The following HEPH variants were observed in gnomAD, a reference collection of about 807,000 sequenced individuals.
HEPH encodes the protein hephaestin.
A neutral mutation model predicts 80.8 loss-of-function variants in HEPH; 69 were observed. That is an observed-to-expected ratio of 0.85 (90% CI 0.70 to 1.04). The LOEUF is 1.04. Ranked by LOEUF, HEPH falls within the 50% of genes least tolerant of loss-of-function variation. The probability of loss-of-function intolerance (pLI) is 0.00; values close to 1 mark genes in which losing one functional copy is unlikely to be tolerated. For synonymous variants in HEPH, 431 were observed against 322.8 expected (o/e 1.34, Z -3.60); for missense variants, 1,115 against 891.3 (o/e 1.25, Z -3.20).
At chrX:66,250,817 G>T (rs1276308865) in intron 15 of HEPH, among the ~76,000 whole-genome samples, 1 of 111,573 alleles carries the variant, frequency 9.0e-6, no homozygotes, top group Non-Finnish European at 1.9e-5. Context: ...ACTTTTCACT[G>T]TTAAAGGGAA....
rs2091556658 is a variant in HEPH at position 66,266,876 on chromosome X, A to G, written c.*204A>G. On this transcript the variant is annotated 3_prime_UTR_variant, in exon 21 of 21. Transcript: ENST00000343002. ...ACTTTTTCTTTAGTTTCTTTGCTCTACGTGGGCACCTGGCACTAAGGGAGT... is the reference window on the plus strand; with the variant it reads ...ACTTTTTCTTTAGTTTCTTTGCTCTGCGTGGGCACCTGGCACTAAGGGAGT... 1 of 406,406 alleles carries G rather than the reference A, an allele frequency of 2.5e-6. No homozygotes were observed. The highest frequency in any genetic ancestry group is 4.2e-6 in the Non-Finnish European group (1 of 235,920). 33.5% of individuals were successfully genotyped at this position (406,406 alleles called of 1,213,427 possible). A position where few individuals can be genotyped will look rare whatever the true frequency, so the allele number is the denominator to read the frequency against.
chrX:66,254,391 G>A (rs2091104007), intron 15 of HEPH, among the ~76,000 whole-genome samples: 1 of 111,615 alleles, frequency 9.0e-6, no homozygotes, highest in Non-Finnish European at 1.9e-5. Flanking sequence ...GAGTGATAAT[G>A]TTATTTCTAG....
At chrX:66,208,290 G>T (rs780857911) in intron 15 of HEPH, 44 bp downstream of exon 15, 2 of 1,150,772 alleles carry the variant, frequency 1.7e-6, no homozygotes, top group Non-Finnish European at 1.2e-6. Context: ...CATGCATCAC[G>T]TCTGCTTCAG....
At chrX:66,177,672 CT>C (rs769962916) in intron 4 of HEPH, among the ~76,000 whole-genome samples, 5 of 111,416 alleles carry the variant, frequency 4.5e-5, no homozygotes, top group African/African-American at 1.6e-4. Context: ...AAAGAACCAG[CT>C]TTTTGTTTCA....
At chrX:66,224,250 G>A (rs1383025439) in intron 15 of HEPH, among the ~76,000 whole-genome samples, 1 of 110,682 alleles carries the variant, frequency 9.0e-6, no homozygotes, top group African/African-American at 3.3e-5. Flanking sequence ...TGTAAGTTTG[G>A]GATTTTAATT....
intron 15 of HEPH, among the ~76,000 whole-genome samples, chrX:66,252,820 T>C (rs1461589927): frequency 9.0e-6 from 1 of 111,683 alleles, no homozygotes; most frequent in Non-Finnish European, 1.9e-5. Flanking sequence ...GGTCAATTGA[T>C]TTTCAACAAA....
chrX:66,202,146 A>G (rs1409918440), intron 12 of HEPH, among the ~76,000 whole-genome samples: 1 of 111,841 alleles, frequency 8.9e-6, no homozygotes, highest in East Asian at 2.8e-4. Context: ...GTCTTGGATA[A>G]TGAGTGGACT....
chrX:66,236,037 A>T (rs1245983810), intron 15 of HEPH, among the ~76,000 whole-genome samples: 1 of 111,821 alleles, frequency 8.9e-6, no homozygotes, highest in African/African-American at 3.3e-5. Context: ...TAGATATAGG[A>T]TCATGTTGCC....
chrX:66,250,499 C>T (rs191832273), intron 15 of HEPH, among the ~76,000 whole-genome samples: 2 of 111,535 alleles, frequency 1.8e-5, no homozygotes, highest in Admixed American at 1.9e-4. Flanking sequence ...AGAGCAGTTA[C>T]TTTCTTGCTA....
At chrX:66,250,289 C>G (rs1431331726) in intron 15 of HEPH, among the ~76,000 whole-genome samples, 1 of 111,786 alleles carries the variant, frequency 8.9e-6, no homozygotes, top group African/African-American at 3.2e-5. Flanking sequence ...GCTTTCACCT[C>G]TGACTCTTCT....
chrX:66,200,227 G>T (rs2088352673), intron 11 of HEPH, among the ~76,000 whole-genome samples: 1 of 96,532 alleles, frequency 1.0e-5, no homozygotes, highest in Non-Finnish European at 2.0e-5. Flanking sequence ...AAGAAATAGG[G>T]AATAGGAGAG....
chrX:66,200,047 G>A (rs2088340913), intron 11 of HEPH, among the ~76,000 whole-genome samples: 1 of 109,575 alleles, frequency 9.1e-6, no homozygotes, highest in Admixed American at 9.7e-5. Context: ...CAGGGCAGTA[G>A]CAGTGAAGAT....
At chrX:66,238,425 G>T (rs1002592920) in intron 15 of HEPH, among the ~76,000 whole-genome samples, 14 of 111,412 alleles carry the variant, frequency 1.3e-4, no homozygotes, top group Non-Finnish European at 2.4e-4. Context: ...TTTTCTTTAA[G>T]AATGTTGAAC....
intron 15 of HEPH, among the ~76,000 whole-genome samples, chrX:66,231,664 A>G (rs1166036767): frequency 2.7e-5 from 3 of 109,545 alleles, no homozygotes; most frequent in African/African-American, 1.0e-4. Flanking sequence ...TTATCAGCTT[A>G]AGGAGATTTT....
At chrX:66,259,842 G>A (rs1264877889) in intron 18 of HEPH, among the ~76,000 whole-genome samples, 1 of 108,888 alleles carries the variant, frequency 9.2e-6, no homozygotes, top group Admixed American at 9.8e-5. Flanking sequence ...CCGAGTAGCT[G>A]GGACTACAAG....
At position 66,175,100 on chromosome X, in the gene HEPH, C is replaced by T. The variant is rs138163060; in HGVS notation, c.625+1299C>T. Reference sequence around the variant, plus strand: ...AAATCCTTGCCTAAGCCAATGTCTACAAGGGTTTATCTAATGTTTTCTTCT... The same window carrying T: ...AAATCCTTGCCTAAGCCAATGTCTATAAGGGTTTATCTAATGTTTTCTTCT... On this transcript the variant is annotated intron_variant, in intron 4 of 20. Coordinates refer to ENST00000343002, the MANE Select transcript of HEPH (RefSeq NM_001367233.3). 3.3e-3 allele frequency among the ~76,000 whole-genome samples: 367 copies of T among 111,801 alleles called. 4 individuals are homozygous for T. The highest frequency in any genetic ancestry group is 0.011 in the African/African-American group (346 of 30,824).
At chrX:66,186,745 G>C (rs1166467211) in intron 4 of HEPH, among the ~76,000 whole-genome samples, 1 of 112,108 alleles carries the variant, frequency 8.9e-6, no homozygotes, top group Non-Finnish European at 1.9e-5. Flanking sequence ...TGTTCTTTGT[G>C]CTTCTTGTAT....
At chrX:66,217,935 G>A (rs1318230792) in intron 15 of HEPH, among the ~76,000 whole-genome samples, 4 of 111,448 alleles carry the variant, frequency 3.6e-5, no homozygotes, top group Non-Finnish European at 7.5e-5. Context: ...GTTAAAAAAG[G>A]CAAAGAGGAA....
At chrX:66,210,910 T>A (rs1165748493) in intron 15 of HEPH, among the ~76,000 whole-genome samples, 2 of 111,217 alleles carry the variant, frequency 1.8e-5, no homozygotes, top group Non-Finnish European at 3.8e-5. Context: ...TTTGTTTGTT[T>A]GTTTAGAGTG....
Sources: allele counts gnomAD v4.1 joint callset (sites outside exome capture counted in the v4.1 genomes callset), GRCh38; gene constraint gnomAD v4.1.1; transcripts MANE v1.5; gene names NCBI Gene and HGNC (gene_info 2026-07-23, HGNC 2026-07-21).